The following WDR17 variants were observed in gnomAD, a reference collection of about 807,000 sequenced individuals.
The protein encoded by WDR17 is WD repeat domain 17, also known as WD repeat-containing protein 17.
A neutral mutation model predicts 161.7 loss-of-function variants in WDR17; 143 were observed. The ratio of observed to expected loss-of-function variants is 0.88; its 90% CI spans 0.77 to 1.02. The LOEUF is 1.02. WDR17 is among the 50% of genes least tolerant of loss of function. The probability of loss-of-function intolerance (pLI) is 0.00; values close to 1 mark genes in which losing one functional copy is unlikely to be tolerated. For missense variants in WDR17, 1,469 were observed against 1,520.9 expected, an observed-to-expected ratio of 0.97 and a Z score of 0.57; for synonymous variants, 517 against 515.6, an observed-to-expected ratio of 1.00 and a Z score of -0.04.
rs754020050 is a variant in WDR17 at position 176,128,859 on chromosome 4, G to A, written c.912G>A (p.Lys304=). The A allele has an allele frequency of 6.4e-7, 1 of 1,563,830 alleles. No homozygotes were observed. Among genetic ancestry groups the A allele is most frequent in the South Asian group, 1.2e-5 (1 of 82,388 alleles). The part of the protein sequence containing the change: ...LHVLNSPPRK[K]FSVQSPTKNH... The stretch of plus-strand genomic sequence containing the variant: ...TACTTAATTCTCCTCCAAGAAAAAA[G>A]TGTAAGTAAAAATGTTATCAAAATT... Residue 304 remains lysine (K), a splice_region_variant and synonymous_variant, in exon 6 of 29, where the codon AAG becomes AAA. Coordinates refer to ENST00000508596, the MANE Select transcript of WDR17 (RefSeq NM_181265.4).
At chr4:176,116,780 T>A in intron 3 of WDR17, among the ~76,000 whole-genome samples, 1 of 152,050 alleles carries the variant, frequency 6.6e-6, no homozygotes, top group South Asian at 2.1e-4. Flanking sequence ...TTATAGGCAA[T>A]TATCTTTAAA....
chr4:176,168,620 T>C (rs570769700), intron 22 of WDR17, 52 bp from the exon 23 acceptor site: 2 of 1,606,908 alleles, frequency 1.2e-6, no homozygotes, highest in African/African-American at 2.7e-5. Context: ...GTTATGAATG[T>C]TATTTTTAAA....
intron 27 of WDR17, 23 bp from the exon 28 acceptor site, chr4:176,177,448 T>G: frequency 6.6e-7 from 1 of 1,511,564 alleles, no homozygotes; most frequent in Non-Finnish European, 8.8e-7. Context: ...AAAATGAAAT[T>G]TTGATATCTG....
intron 1 of WDR17, among the ~76,000 whole-genome samples, chr4:176,102,795 C>G (rs1348317972): frequency 6.6e-6 from 1 of 152,146 alleles, no homozygotes; most frequent in African/African-American, 2.4e-5. Flanking sequence ...CTTGCAACTT[C>G]CAGGGGAAGG....
chr4:176,134,282 T>C (rs1744031204), intron 7 of WDR17, among the ~76,000 whole-genome samples: 3 of 151,796 alleles, frequency 2.0e-5, no homozygotes, highest in Admixed American at 2.0e-4. Flanking sequence ...ACCCTGTCTT[T>C]GTACTTCAAC....
chr4:176,146,928 A>G (rs1377580098), intron 12 of WDR17, among the ~76,000 whole-genome samples: 2 of 151,862 alleles, frequency 1.3e-5, no homozygotes, highest in East Asian at 3.9e-4. Flanking sequence ...GTGCAGTGGC[A>G]TGATCTCAGC....
rs548679728 is a variant in WDR17 at position 176,135,814 on chromosome 4, A to G, written c.1267+538A>G. ...GAAACCTCTGACATTTTCTCCCAAA[A>G]CATTATTTCCCCATAACAAATAATT... is the stretch of plus-strand genomic sequence containing the variant. On this transcript the variant is annotated intron_variant, in intron 8 of 28. Transcript: ENST00000508596. Among the ~76,000 whole-genome samples, 45 of 151,704 alleles carry G rather than the reference A, an allele frequency of 3.0e-4. 1 individual carries two copies. Among genetic ancestry groups the G allele is most frequent in the Middle Eastern group, 6.8e-3 (2 of 294 alleles).
intron 5 of WDR17, among the ~76,000 whole-genome samples, chr4:176,126,404 T>A (rs1451334989): frequency 2.0e-5 from 3 of 152,224 alleles, no homozygotes; most frequent in African/African-American, 7.2e-5. Context: ...ATTCTTCCCA[T>A]ATTTGCTTAG....
intron 1 of WDR17, among the ~76,000 whole-genome samples, chr4:176,105,947 AAGAG>A (rs1738647964): frequency 6.6e-6 from 1 of 152,112 alleles, no homozygotes; most frequent in Admixed American, 6.5e-5. Flanking sequence ...AACTAAGAAA[AAGAG>A]AGAAGACTCA....
At chr4:176,094,065 C>T (rs1229431672) in intron 1 of WDR17, among the ~76,000 whole-genome samples, 1 of 152,058 alleles carries the variant, frequency 6.6e-6, no homozygotes, top group Non-Finnish European at 1.5e-5. Context: ...GGCATGATGA[C>T]AAAGTACTTT....
chr4:176,128,840 AT>A lies in WDR17; in HGVS notation c.895del (p.Ser299LeufsTer30), dbSNP rs759491819. The A allele has an allele frequency of 6.4e-7, 1 of 1,574,488 alleles. No individual in the cohort carries two copies. The highest frequency in any genetic ancestry group is 2.0e-5 in the Admixed American group (1 of 50,046). On this transcript the variant is annotated frameshift_variant, in exon 6 of 29. Coordinates refer to ENST00000508596, the MANE Select transcript of WDR17 (RefSeq NM_181265.4). LOFTEE classifies it high-confidence loss of function. ...GGATTTCACTGCTTACATGTACTTAATTCTCCTCCAAGAAAAAAGTGTAAGT... is the reference window on the plus strand; with the variant it reads ...GGATTTCACTGCTTACATGTACTTAATCTCCTCCAAGAAAAAAGTGTAAGT... The part of the protein sequence containing the change: ...KTGFHCLHVL[N>X]SPPRKKFSVQ...
intron 1 of WDR17, among the ~76,000 whole-genome samples, chr4:176,105,982 A>G (rs940550211): frequency 3.3e-5 from 5 of 152,112 alleles, no homozygotes; most frequent in African/African-American, 9.6e-5. Context: ...ATCACAAATA[A>G]AAGTTGGAAC....
At chr4:176,130,788 G>T (rs1177841098) in intron 6 of WDR17, among the ~76,000 whole-genome samples, 1 of 151,154 alleles carries the variant, frequency 6.6e-6, no homozygotes, top group Non-Finnish European at 1.5e-5. Context: ...CCATATTCCA[G>T]TGTACAATTA....
At chr4:176,178,785 C>T (rs1751824853) in intron 28 of WDR17, among the ~76,000 whole-genome samples, 1 of 152,142 alleles carries the variant, frequency 6.6e-6, no homozygotes, top group Non-Finnish European at 1.5e-5. Context: ...AACTCAACAG[C>T]TTTAGAACCT....
intron 1 of WDR17, among the ~76,000 whole-genome samples, chr4:176,095,006 C>T (rs144806460): frequency 0.011 from 1,680 of 152,128 alleles, 18 homozygotes; most frequent in Non-Finnish European, 0.016. Flanking sequence ...AGTTTAGGAG[C>T]TTGGTGTGGC....
intron 23 of WDR17, among the ~76,000 whole-genome samples, chr4:176,170,180 AT>A (rs1750498719): frequency 6.6e-6 from 1 of 152,102 alleles, no homozygotes. Context: ...AATTCAAATA[AT>A]TTTATTTATA....
chr4:176,073,446 A>G (rs1294890816), intron 1 of WDR17, among the ~76,000 whole-genome samples: 1 of 151,444 alleles, frequency 6.6e-6, no homozygotes, highest in African/African-American at 2.4e-5. Flanking sequence ...ATCATTTTTT[A>G]TGGCTGCATA....
chr4:176,119,852 T>C lies in WDR17; in HGVS notation c.308-15T>C. On this transcript the variant is annotated splice_polypyrimidine_tract_variant and intron_variant, in intron 3 of 28. Transcript: ENST00000508596. ...GCTGTATCTTTATTATGTATCTGTA[T>C]TTAATGTATTCCAGGGATCCCTGCT... The C allele has an allele frequency of 6.2e-7, 1 of 1,607,224 alleles. No individual in the cohort carries two copies. Among genetic ancestry groups the C allele is most frequent in the Non-Finnish European group, 8.5e-7 (1 of 1,173,758 alleles).
At chr4:176,084,092 C>T (rs1012412487) in intron 1 of WDR17, among the ~76,000 whole-genome samples, 2 of 151,732 alleles carry the variant, frequency 1.3e-5, no homozygotes, top group Non-Finnish European at 2.9e-5. Flanking sequence ...ACATTTTCTC[C>T]CTTGCCTTTC....
Sources: gnomAD v4.1 joint callset for allele counts (sites outside exome capture counted in the v4.1 genomes callset) on GRCh38, gnomAD v4.1.1 for gene constraint, MANE v1.5 for transcripts, NCBI Gene and HGNC (gene_info 2026-07-23, HGNC 2026-07-21) for gene names.